WDR88: variants seen among roughly 807,000 people sequenced by gnomAD.
WDR88 encodes WD repeat domain 88.
A neutral mutation model predicts 46.8 loss-of-function variants in WDR88; 40 were observed. The observed-to-expected ratio is 0.86, with a 90% CI of 0.66 to 1.11. The LOEUF (loss-of-function observed/expected upper bound fraction) is 1.11, where lower values mean the gene tolerates loss of function less well. WDR88 is among the 50% of genes most tolerant of loss of function. WDR88 has a pLI of 0.00. For missense variants in WDR88, 562 were observed against 602.4 expected (o/e 0.93, Z 0.70); for synonymous variants, 235 against 240.7 (o/e 0.98, Z 0.22).
chr19:33,158,383 G>A (rs183930274), intron 7 of WDR88, among the ~76,000 whole-genome samples: 2 of 151,802 alleles, frequency 1.3e-5, no homozygotes, highest in Non-Finnish European at 2.9e-5. Flanking sequence ...GTGCCACTGC[G>A]CTCCTACACT....
chr19:33,164,326 G>C (rs1973919251), intron 9 of WDR88, 61 bp downstream of exon 9: 4 of 1,504,988 alleles, frequency 2.7e-6, no homozygotes, highest in East Asian at 2.3e-5. Context: ...TAGTGGAAGA[G>C]TTATTGCCAA....
At chr19:33,175,313 G>A (rs1974104429) in intron 10 of WDR88, 83 bp from the exon 11 acceptor site, 1 of 1,394,514 alleles carries the variant, frequency 7.2e-7, no homozygotes, top group South Asian at 1.3e-5. Flanking sequence ...CCAGCTCAAG[G>A]TAGCTGGGAG....
chr19:33,139,673 A>C (rs73926249), intron 2 of WDR88, among the ~76,000 whole-genome samples: 2,146 of 152,256 alleles, frequency 0.014, 52 homozygotes, highest in African/African-American at 0.049. Flanking sequence ...TTTGGAACAG[A>C]GGATTTTTTT....
intron 2 of WDR88, among the ~76,000 whole-genome samples, chr19:33,141,848 T>C (rs961812510): frequency 2.0e-5 from 3 of 151,990 alleles, no homozygotes; most frequent in African/African-American, 7.2e-5. Context: ...GCCCGGCTAA[T>C]TTTTGTATTT....
chr19:33,138,882 G>A (rs1197117497), intron 2 of WDR88, among the ~76,000 whole-genome samples: 1 of 151,666 alleles, frequency 6.6e-6, no homozygotes, highest in African/African-American at 2.4e-5. Flanking sequence ...GGGTTTCACT[G>A]TGTTGGCCAG....
intron 5 of WDR88, among the ~76,000 whole-genome samples, chr19:33,150,513 C>T (rs750238037): frequency 6.6e-6 from 1 of 152,246 alleles, no homozygotes; most frequent in Non-Finnish European, 1.5e-5. Flanking sequence ...TGTCCTGTCT[C>T]CTCCCCAGAG....
intron 10 of WDR88, chr19:33,174,574 G>A (rs1974093290): frequency 6.1e-6 from 6 of 982,762 alleles, no homozygotes; most frequent in Non-Finnish European, 7.3e-6. Flanking sequence ...ACAGGCTCAG[G>A]GACGCAGGAG....
In WDR88 at chr19:33,175,398, C is replaced by T. The variant is rs753214293; in HGVS notation, c.1245C>T (p.Cys415=). ...TCTTTTAAAATATCCCATGTCAGTG[C>T]GAAAGATGTGACAGGCCTTTCTCCA... is the stretch of plus-strand genomic sequence containing the variant. ...KKAVGLKLKQ[C]ERCDRPFSIF... is the part of the protein sequence containing the mutation. The change falls in exon 11 of 11, where the codon TGC becomes TGT. Residue 415 remains cysteine, a splice_region_variant and synonymous_variant. Transcript: ENST00000355868. 4.6e-5 allele frequency: 75 copies of T among 1,613,850 alleles called. No homozygotes were observed. The highest frequency in any genetic ancestry group is 4.4e-4 in the South Asian group (40 of 91,072).
At chr19:33,161,523 G>A (rs928026203) in intron 8 of WDR88, among the ~76,000 whole-genome samples, 2 of 152,180 alleles carry the variant, frequency 1.3e-5, no homozygotes, top group Non-Finnish European at 2.9e-5. Context: ...GGGACACAAA[G>A]TAGACATGTG....
chr19:33,170,802 T>C (rs1017991950), intron 9 of WDR88, among the ~76,000 whole-genome samples: 1 of 152,018 alleles, frequency 6.6e-6, no homozygotes, highest in Non-Finnish European at 1.5e-5. Flanking sequence ...GCGGAGGTTG[T>C]AGTGAGCTGA....
intron 7 of WDR88, among the ~76,000 whole-genome samples, chr19:33,159,561 A>G (rs1973828011): frequency 6.6e-6 from 1 of 152,076 alleles, no homozygotes; most frequent in Non-Finnish European, 1.5e-5. Context: ...TTAAACAGAA[A>G]CACACATAAA....
intron 7 of WDR88, among the ~76,000 whole-genome samples, 200 bp from the exon 8 acceptor site, chr19:33,160,214 C>G (rs1372344428): frequency 1.3e-5 from 2 of 152,050 alleles, no homozygotes; most frequent in Non-Finnish European, 2.9e-5. Flanking sequence ...GACTGGGGAC[C>G]CCTGTCATAG....
intron 2 of WDR88, 85 bp downstream of exon 2, chr19:33,137,872 A>G: frequency 5.4e-6 from 6 of 1,104,164 alleles, no homozygotes; most frequent in Non-Finnish European, 7.9e-6. Flanking sequence ...CCAGCACTGA[A>G]CTCACAGGCA....
intron 1 of WDR88, among the ~76,000 whole-genome samples, chr19:33,137,091 T>C (rs1973282262): frequency 7.0e-6 from 1 of 141,870 alleles, no homozygotes; most frequent in Non-Finnish European, 1.5e-5. Flanking sequence ...CCACCATGCC[T>C]GGCTCATTTT....
rs1211692669 is a variant in WDR88, at chr19:33,157,497, CAATATATATATATATGTATATATATGTG to C, written c.997+956_997+983del. ...TGGGTGACAGAGCGAGACTCTGTCT[CAATATATATATATATGTATATATATGTG>C]TATATATATATATATGTATATATAT... On this transcript the variant is annotated intron_variant, in intron 7 of 10. Coordinates refer to ENST00000355868, the MANE Select transcript of WDR88 (RefSeq NM_173479.4). Among the ~76,000 whole-genome samples, 5 of 134,002 alleles carry C rather than the reference CAATATATATATATATGTATATATATGTG, an allele frequency of 3.7e-5. No individual in the cohort carries two copies. In the East Asian group the frequency reaches 6.6e-4, roughly 18 times the overall value. The allele number at this position is 134,002 out of a possible 152,430, so 87.9% of individuals were successfully genotyped here. A position where few individuals can be genotyped will look rare whatever the true frequency, so the allele number is the denominator to read the frequency against.
intron 7 of WDR88, among the ~76,000 whole-genome samples, 198 bp from the exon 8 acceptor site, chr19:33,160,216 C>T (rs1442639055): frequency 1.3e-5 from 2 of 152,148 alleles, no homozygotes; most frequent in Non-Finnish European, 2.9e-5. Context: ...CTGGGGACCC[C>T]TGTCATAGAA....
intron 7 of WDR88, among the ~76,000 whole-genome samples, chr19:33,159,947 G>T (rs1036723050): frequency 6.6e-6 from 1 of 151,774 alleles, no homozygotes; most frequent in African/African-American, 2.4e-5. Context: ...GACAGTGACA[G>T]ATCATCAGGC....
chr19:33,161,530 T>C (rs896736903), intron 8 of WDR88, among the ~76,000 whole-genome samples: 4 of 152,176 alleles, frequency 2.6e-5, no homozygotes, highest in Non-Finnish European at 5.9e-5. Flanking sequence ...AAAGTAGACA[T>C]GTGTCCTTGA....
intron 6 of WDR88, among the ~76,000 whole-genome samples, chr19:33,155,148 A>T (rs930127563): frequency 2.0e-4 from 31 of 151,958 alleles, no homozygotes; most frequent in African/African-American, 7.5e-4. Context: ...GAATAACTTC[A>T]TTTTTTTTCT....
Sources: allele counts gnomAD v4.1 joint callset (sites outside exome capture counted in the v4.1 genomes callset), GRCh38; gene constraint gnomAD v4.1.1; transcripts MANE v1.5; gene names NCBI Gene and HGNC (gene_info 2026-07-23, HGNC 2026-07-21).